MARCHF1: variants seen among roughly 807,000 people sequenced by gnomAD.
MARCHF1 encodes the protein membrane associated ring-CH-type finger 1.
In MARCHF1, 40 loss-of-function variants were observed where a neutral mutation model predicts 54.2. That is an observed-to-expected ratio of 0.74 (90% CI 0.57 to 0.96). The LOEUF (loss-of-function observed/expected upper bound fraction) is 0.96. Among genes scored for constraint, MARCHF1 ranks in the 40% least tolerant of loss-of-function variants. MARCHF1 has a pLI of 0.00. For missense variants in MARCHF1, 586 were observed against 656.5 expected (o/e 0.89, Z 1.17); for synonymous variants, 236 against 236.3 (o/e 1.00, Z 0.01).
chr4:164,355,781 A>G lies in MARCHF1; in HGVS notation c.-323+28089T>C, dbSNP rs1203587422. On this transcript the variant is annotated intron_variant, in intron 1 of 9. Coordinates refer to ENST00000514618, the MANE Select transcript of MARCHF1 (RefSeq NM_001394959.1). ...TTGACAAATGGGATCTAGTTAAACT[A>G]AAGAGCTTCTGCACAGCAAAAGAAA... Among the ~76,000 whole-genome samples the G allele has an allele frequency of 1.9e-5, 2 of 104,890 alleles. 1 individual carries two copies. The highest frequency in any genetic ancestry group is 6.2e-5 in the African/African-American group (2 of 32,074). 68.8% of individuals were successfully genotyped at this position (104,890 alleles called of 152,430 possible). A position where few individuals can be genotyped will look rare whatever the true frequency, so the allele number is the denominator to read the frequency against.
chr4:163,581,888 T>C (rs1346065194), intron 8 of MARCHF1, among the ~76,000 whole-genome samples: 2 of 152,204 alleles, frequency 1.3e-5, no homozygotes, highest in Non-Finnish European at 2.9e-5. Flanking sequence ...TTCATTATCT[T>C]ATTTTATTTG....
intron 2 of MARCHF1, among the ~76,000 whole-genome samples, chr4:164,074,392 T>G (rs1417439514): frequency 1.3e-5 from 2 of 152,190 alleles, no homozygotes; most frequent in Admixed American, 1.3e-4. Context: ...ATGTAACAGG[T>G]ACACGATTTT....
chr4:163,913,122 A>T (rs536987566), intron 3 of MARCHF1, among the ~76,000 whole-genome samples: 30 of 152,310 alleles, frequency 2.0e-4, no homozygotes, highest in African/African-American at 7.2e-4. Flanking sequence ...AAATTACAAA[A>T]TTATAGAAAC....
chr4:163,802,612 T>C (rs1371099957), intron 4 of MARCHF1, among the ~76,000 whole-genome samples: 1 of 152,146 alleles, frequency 6.6e-6, no homozygotes, highest in Non-Finnish European at 1.5e-5. Flanking sequence ...ATATATGAAA[T>C]TGGAAAGCAA....
chr4:164,156,423 T>C (rs1370488375), intron 1 of MARCHF1, among the ~76,000 whole-genome samples: 1 of 151,992 alleles, frequency 6.6e-6, no homozygotes, highest in Non-Finnish European at 1.5e-5. Flanking sequence ...TTCTTGTGTT[T>C]TTTTAATTTT....
At chr4:164,241,897 C>T (rs1016070630) in intron 1 of MARCHF1, among the ~76,000 whole-genome samples, 1 of 152,234 alleles carries the variant, frequency 6.6e-6, no homozygotes, top group Non-Finnish European at 1.5e-5. Context: ...GTCACTCCCA[C>T]CCGAATACTG....
chr4:164,110,164 C>T (rs968142730), intron 2 of MARCHF1, among the ~76,000 whole-genome samples: 5 of 143,178 alleles, frequency 3.5e-5, no homozygotes, highest in African/African-American at 1.4e-4. Context: ...ACACAGGTAG[C>T]TAAATGATTA....
chr4:163,687,375 C>A (rs1020223671), intron 5 of MARCHF1, among the ~76,000 whole-genome samples: 2 of 151,938 alleles, frequency 1.3e-5, no homozygotes, highest in African/African-American at 4.8e-5. Context: ...CTACAGGTGC[C>A]CGCCACCACG....
chr4:163,986,246 CTTCTTTTTTTT>C (rs539664700), intron 3 of MARCHF1, among the ~76,000 whole-genome samples: 10,350 of 73,588 alleles, frequency 0.14, 1,401 homozygotes, highest in African/African-American at 0.23. Context: ...TAATTAACCT[CTTCTTTTTTTT>C]TTTTTTTTTT....
intron 8 of MARCHF1, among the ~76,000 whole-genome samples, chr4:163,580,861 G>C (rs1186616654): frequency 2.4e-5 from 1 of 41,810 alleles, no homozygotes; most frequent in Non-Finnish European, 5.0e-5. Flanking sequence ...GGACTGCAGT[G>C]GCGCAATCTC....
chr4:164,176,941 G>GCTCTCTCTCT (rs57770641), intron 1 of MARCHF1, among the ~76,000 whole-genome samples: 41 of 58,164 alleles, frequency 7.0e-4, no homozygotes, highest in African/African-American at 1.7e-3. Flanking sequence ...TACCTTGTGC[G>GCTCTCTCTCT]CTCTCTCTCT....
At chr4:163,856,097 C>G (rs1408461461) in intron 3 of MARCHF1, among the ~76,000 whole-genome samples, 4 of 152,132 alleles carry the variant, frequency 2.6e-5, no homozygotes, top group Admixed American at 2.6e-4. Flanking sequence ...ATCATGTCTT[C>G]CTTGAAGCTG....
intron 4 of MARCHF1, among the ~76,000 whole-genome samples, chr4:163,731,352 GA>G (rs367643962): frequency 6.6e-6 from 1 of 152,092 alleles, no homozygotes; most frequent in Non-Finnish European, 1.5e-5. Context: ...TGGAACAGCT[GA>G]AAAAAACAAC....
At chr4:163,888,385 T>G (rs4405974) in intron 3 of MARCHF1, among the ~76,000 whole-genome samples, 144,345 of 152,170 alleles carry the variant, frequency 0.95, 68,816 homozygotes, top group South Asian at 0.99. Context: ...AGGCAGCCCT[T>G]ATAGAATTCT....
intron 8 of MARCHF1, 125 bp from the exon 9 acceptor site, chr4:163,545,868 CTG>C (rs1738883298): frequency 3.9e-6 from 3 of 760,418 alleles, no homozygotes; most frequent in Non-Finnish European, 4.4e-6. Flanking sequence ...TCAGATGACA[CTG>C]TAATATTCAA....
chr4:164,026,601 C>T (rs1753773004), intron 2 of MARCHF1, among the ~76,000 whole-genome samples: 1 of 152,008 alleles, frequency 6.6e-6, no homozygotes, highest in Non-Finnish European at 1.5e-5. Flanking sequence ...ATAATAAGAG[C>T]CATCTATGGC....
At chr4:164,099,983 T>G (rs1345617576) in intron 2 of MARCHF1, among the ~76,000 whole-genome samples, 1 of 152,130 alleles carries the variant, frequency 6.6e-6, no homozygotes, top group African/African-American at 2.4e-5. Context: ...ATAAATAAAA[T>G]TCCATCATTT....
intron 3 of MARCHF1, among the ~76,000 whole-genome samples, chr4:163,900,882 A>G (rs137980121): frequency 6.6e-6 from 1 of 152,330 alleles, no homozygotes; most frequent in African/African-American, 2.4e-5. Context: ...AAATATTAAT[A>G]TATCATTTAA....
At chr4:163,627,484 T>C (rs1560982913) in intron 5 of MARCHF1, among the ~76,000 whole-genome samples, 1 of 152,156 alleles carries the variant, frequency 6.6e-6, no homozygotes, top group Non-Finnish European at 1.5e-5. Context: ...GGGTATACAT[T>C]TGGAGCAGTG....
Sources: allele counts gnomAD v4.1 joint callset (sites outside exome capture counted in the v4.1 genomes callset), GRCh38; gene constraint gnomAD v4.1.1; transcripts MANE v1.5; gene names NCBI Gene and HGNC (gene_info 2026-07-23, HGNC 2026-07-21).